Variants in FAM133B observed in about 807,000 individuals in gnomAD.
FAM133B encodes the protein protein FAM133B.
FAM133B carries 25 observed loss-of-function variants against 46.4 expected under a neutral mutation model. That is an observed-to-expected ratio of 0.54 (90% CI 0.39 to 0.75). FAM133B has a LOEUF of 0.75. Among genes scored for constraint, FAM133B ranks in the 30% least tolerant of loss-of-function variants. The pLI, the probability that FAM133B is intolerant of heterozygous loss-of-function variation, is 0.00. For missense variants in FAM133B, 205 were observed against 277.6 expected, an observed-to-expected ratio of 0.74 and a Z score of 1.86; for synonymous variants, 75 against 86.0, an observed-to-expected ratio of 0.87 and a Z score of 0.71.
chr7:92,585,953 T>C (rs1795025578), intron 1 of FAM133B, among the ~76,000 whole-genome samples: 1 of 152,226 alleles, frequency 6.6e-6, no homozygotes, highest in African/African-American at 2.4e-5. Flanking sequence ...GTGGCAATTT[T>C]TCATTCTAAT....
chr7:92,566,678 T>C (rs554895910), intron 9 of FAM133B, among the ~76,000 whole-genome samples: 3 of 152,150 alleles, frequency 2.0e-5, no homozygotes, highest in East Asian at 1.9e-4. Flanking sequence ...TGAAATGAGA[T>C]AGATTCCAAG....
intron 7 of FAM133B, 150 bp from the exon 8 acceptor site, chr7:92,575,971 T>C (rs1050536072): frequency 3.5e-5 from 14 of 398,836 alleles, no homozygotes; most frequent in Non-Finnish European, 5.6e-5. Context: ...AAGAGAAATA[T>C]AAGTTATGTA....
At chr7:92,576,512 T>C (rs970859397) in intron 7 of FAM133B, among the ~76,000 whole-genome samples, 14 of 152,198 alleles carry the variant, frequency 9.2e-5, no homozygotes, top group African/African-American at 3.1e-4. Context: ...GAGACTCTAG[T>C]ACAGTGTTTG....
chr7:92,564,443 A>G (rs937853343), intron 10 of FAM133B, among the ~76,000 whole-genome samples: 3 of 152,212 alleles, frequency 2.0e-5, no homozygotes, highest in Non-Finnish European at 4.4e-5. Context: ...AAGTATGCAA[A>G]TACTTATTTG....
intron 1 of FAM133B, 193 bp downstream of exon 1, chr7:92,590,075 A>T: frequency 1.4e-6 from 1 of 690,380 alleles, no homozygotes; most frequent in South Asian, 1.9e-5. Flanking sequence ...GGCAAGAGAG[A>T]GCTGGGAACC....
chr7:92,578,840 G>A (rs1794779295), intron 3 of FAM133B, among the ~76,000 whole-genome samples: 1 of 152,052 alleles, frequency 6.6e-6, no homozygotes, highest in South Asian at 2.1e-4. Flanking sequence ...GAGCTCAGAA[G>A]TTGGAGACCA....
Position 92,587,101 on chromosome 7 carries a change from G to C in FAM133B, c.24+3167C>G, listed in dbSNP as rs192653199. 5.3e-5 allele frequency among the ~76,000 whole-genome samples: 8 copies of C among 151,186 alleles called. No homozygotes were observed. In the Admixed American group the frequency reaches 5.4e-4, roughly 10 times the overall value. On this transcript the variant is annotated intron_variant, in intron 1 of 10. Transcript: ENST00000445716. ...GTGTGGAGGTATATGGGAACCCTCT[G>C]TACTTTCTGTTCAATTTGGCTGTGA...
chr7:92,573,163 CTTTTTTTT>C (rs376920507), intron 8 of FAM133B, among the ~76,000 whole-genome samples: 1,863 of 118,348 alleles, frequency 0.016, 49 homozygotes, highest in African/African-American at 0.054. Flanking sequence ...AGTTTGGGGA[CTTTTTTTT>C]TTTTTTTTTT....
intron 10 of FAM133B, among the ~76,000 whole-genome samples, chr7:92,564,009 C>T (rs921468516): frequency 1.3e-5 from 2 of 152,100 alleles, no homozygotes; most frequent in Non-Finnish European, 2.9e-5. Flanking sequence ...TGTTTAAAAC[C>T]CTCAGAACAG....
At chr7:92,563,996 C>A (rs1454608977) in intron 10 of FAM133B, among the ~76,000 whole-genome samples, 2 of 152,208 alleles carry the variant, frequency 1.3e-5, no homozygotes, top group African/African-American at 4.8e-5. Flanking sequence ...TAGGTCACCT[C>A]TTTGTTTAAA....
chr7:92,589,887 T>A, intron 1 of FAM133B: 1 of 225,580 alleles, frequency 4.4e-6, no homozygotes. Flanking sequence ...AAGGGGCGGG[T>A]GAGTCGGATG....
intron 1 of FAM133B, among the ~76,000 whole-genome samples, chr7:92,582,244 C>T (rs1051947510): frequency 3.1e-5 from 4 of 127,976 alleles, no homozygotes; most frequent in Admixed American, 7.9e-5. Flanking sequence ...GCGACTCCCT[C>T]TCAAAATAAA....
At position 92,590,309 on chromosome 7, in the gene FAM133B, A is replaced by G. The variant is rs781555729; in HGVS notation, c.-18T>C. The G allele has an allele frequency of 1.2e-6, 2 of 1,613,756 alleles. No homozygotes were observed. The highest frequency in any genetic ancestry group is 1.7e-6 in the Non-Finnish European group (2 of 1,179,732). On this transcript the variant is annotated 5_prime_UTR_variant, in exon 1 of 11. Transcript: ENST00000445716. ...TTCCCCATGGTGCTGGATCGAGCGC[A>G]CAGTAGCACGCCGAGGGAAACCGGG...
At chr7:92,563,351 C>A (rs1794217289) in intron 10 of FAM133B, among the ~76,000 whole-genome samples, 1 of 152,138 alleles carries the variant, frequency 6.6e-6, no homozygotes, top group South Asian at 2.1e-4. Flanking sequence ...GTAATTTGGG[C>A]TTTTAAAACT....
intron 8 of FAM133B, among the ~76,000 whole-genome samples, chr7:92,571,760 T>A (rs577727727): frequency 6.6e-6 from 1 of 152,380 alleles, no homozygotes; most frequent in East Asian, 1.9e-4. Context: ...TGTCTATTCC[T>A]GTACTAGTAC....
chr7:92,582,226 G>A (rs1309634697), intron 1 of FAM133B, among the ~76,000 whole-genome samples: 1 of 149,610 alleles, frequency 6.7e-6, no homozygotes, highest in Non-Finnish European at 1.5e-5. Context: ...TCCAGCCTGG[G>A]CGACAGAGCG....
In FAM133B at chr7:92,577,125, G is replaced by A; in HGVS notation, c.443C>T (p.Ser148Leu). 1 of 1,495,408 alleles carries A rather than the reference G, an allele frequency of 6.7e-7. No homozygotes were observed. Among genetic ancestry groups the A allele is most frequent in the Non-Finnish European group, 8.9e-7 (1 of 1,119,806 alleles). 92.6% of individuals were successfully genotyped at this position (1,495,408 alleles called of 1,614,324 possible). A position where few individuals can be genotyped will look rare whatever the true frequency, so the allele number is the denominator to read the frequency against. ...TACCTTACTGTCTGATTCAGTTTCT[G>A]ACATGGAGCTTTCAGAAGATTTATG... Reference protein sequence around the residue: ...RSHKSSESSMSETESDSKDSL... With the variant: ...RSHKSSESSMLETESDSKDSL... Residue 148 changes from serine to leucine, a missense_variant, in exon 7 of 11, where the codon TCA (serine) becomes TTA (leucine). Transcript: ENST00000445716.
chr7:92,563,316 G>C (rs949398839), intron 10 of FAM133B, among the ~76,000 whole-genome samples: 1 of 152,086 alleles, frequency 6.6e-6, no homozygotes, highest in Non-Finnish European at 1.5e-5. Context: ...AAGTACATAG[G>C]GAATATTACA....
chr7:92,570,321 T>C (rs1794488894), intron 8 of FAM133B, among the ~76,000 whole-genome samples: 1 of 152,086 alleles, frequency 6.6e-6, no homozygotes, highest in Admixed American at 6.6e-5. Context: ...TAAAAGAATC[T>C]CTATGTAGTA....
Sources: gnomAD v4.1 joint callset for allele counts (sites outside exome capture counted in the v4.1 genomes callset) on GRCh38, gnomAD v4.1.1 for gene constraint, MANE v1.5 for transcripts, NCBI Gene and HGNC (gene_info 2026-07-23, HGNC 2026-07-21) for gene names.